Variants in ANKFN1 observed in about 807,000 individuals in gnomAD.
The protein encoded by ANKFN1 is ankyrin repeat and fibronectin type III domain containing 1.
ANKFN1 carries 74 observed loss-of-function variants against 108.7 expected under a neutral mutation model. That is an observed-to-expected ratio of 0.68 (90% CI 0.56 to 0.83). The LOEUF (loss-of-function observed/expected upper bound fraction) is 0.83. Ranked by LOEUF, ANKFN1 falls within the 40% of genes least tolerant of loss-of-function variation. ANKFN1 has a pLI of 0.00. For missense variants in ANKFN1, 1,505 were observed against 1,382.3 expected (o/e 1.09, Z -1.41); for synonymous variants, 547 against 516.2 (o/e 1.06, Z -0.81).
chr17:56,431,784 T>A (rs2048764955), intron 8 of ANKFN1, among the ~76,000 whole-genome samples: 1 of 152,228 alleles, frequency 6.6e-6, no homozygotes, highest in Admixed American at 6.5e-5. Flanking sequence ...CCCCCGTGGC[T>A]AGTGATTTTA....
intron 4 of ANKFN1, among the ~76,000 whole-genome samples, chr17:56,141,932 T>C (rs1907947273): frequency 7.1e-6 from 1 of 141,410 alleles, no homozygotes; most frequent in Non-Finnish European, 1.5e-5. Context: ...ACTTTTTTTT[T>C]TTTTTTTTTT....
intron 4 of ANKFN1, among the ~76,000 whole-genome samples, chr17:56,073,885 A>G (rs964409775): frequency 6.6e-6 from 1 of 152,216 alleles, no homozygotes; most frequent in East Asian, 1.9e-4. Flanking sequence ...TGCAAATATC[A>G]TGATTTGTGT....
In ANKFN1 at chr17:56,350,950, C is replaced by T. The variant is rs775181306; in HGVS notation, c.373C>T (p.Leu125Phe). The change falls in exon 5 of 21, where the codon CTC becomes TTC. Residue 125 changes from leucine (L) to phenylalanine (F), a missense_variant. Transcript: ENST00000682825. Reference sequence around the variant, plus strand: ...TAGGACAAGAACTGATCGGCTGAGTCTCAGGAAGACCTCGGTGGTAACAAA... The same window carrying T: ...TAGGACAAGAACTGATCGGCTGAGTTTCAGGAAGACCTCGGTGGTAACAAA... Reference protein sequence around the residue: ...YFRTRTDRLSLRKTSVNFQGN... With the variant: ...YFRTRTDRLSFRKTSVNFQGN... 4 of 1,613,550 alleles carry T rather than the reference C, an allele frequency of 2.5e-6. No individual in the cohort carries two copies. The highest frequency in any genetic ancestry group is 3.4e-6 in the Non-Finnish European group (4 of 1,179,782).
chr17:56,058,921 A>G (rs934871090), intron 4 of ANKFN1, among the ~76,000 whole-genome samples: 2 of 152,204 alleles, frequency 1.3e-5, no homozygotes, highest in Non-Finnish European at 2.9e-5. Context: ...TTATAGTAGA[A>G]TGATTTATAA....
chr17:56,074,848 G>C (rs1018472620), intron 4 of ANKFN1, among the ~76,000 whole-genome samples: 19 of 152,170 alleles, frequency 1.2e-4, no homozygotes, highest in Non-Finnish European at 7.3e-5. Flanking sequence ...AGTCAGGAAA[G>C]GGAAGCAGCA....
At chr17:56,174,436 T>C in intron 1 of ANKFN1, 3 of 983,156 alleles carry the variant, frequency 3.1e-6, no homozygotes, top group Non-Finnish European at 3.6e-6. Context: ...GTGATCTTTT[T>C]AGTGAATTGC....
At chr17:56,404,722 T>C (rs573898476) in intron 8 of ANKFN1, among the ~76,000 whole-genome samples, 1 of 152,134 alleles carries the variant, frequency 6.6e-6, no homozygotes, top group African/African-American at 2.4e-5. Flanking sequence ...TTTTGGGGGG[T>C]ATGGAAGAGC....
chr17:56,090,798 G>T (rs1905400372), intron 4 of ANKFN1, among the ~76,000 whole-genome samples: 1 of 150,968 alleles, frequency 6.6e-6, no homozygotes, highest in South Asian at 2.1e-4. Context: ...TGTACAGATT[G>T]GCTCTCCCTA....
chr17:56,469,783 C>T (rs965782414), intron 15 of ANKFN1, among the ~76,000 whole-genome samples: 3 of 149,694 alleles, frequency 2.0e-5, no homozygotes, highest in Non-Finnish European at 4.5e-5. Context: ...AATTTTTTTT[C>T]TTTTTATTTT....
chr17:56,342,561 G>A (rs1322931254), intron 4 of ANKFN1, among the ~76,000 whole-genome samples: 2 of 151,988 alleles, frequency 1.3e-5, no homozygotes, highest in African/African-American at 4.8e-5. Flanking sequence ...TTACCCAAAT[G>A]CCATTCAGGA....
At chr17:56,107,544 T>C (rs1180746781) in intron 4 of ANKFN1, among the ~76,000 whole-genome samples, 1 of 152,164 alleles carries the variant, frequency 6.6e-6, no homozygotes, top group African/African-American at 2.4e-5. Flanking sequence ...AAGGAGCTTG[T>C]TGGGAAACTA....
At chr17:56,236,421 G>A (rs1291365368) in intron 3 of ANKFN1, among the ~76,000 whole-genome samples, 2 of 151,988 alleles carry the variant, frequency 1.3e-5, no homozygotes, top group Admixed American at 1.3e-4. Context: ...CTAGTTAGCT[G>A]TATTCCTAGA....
At chr17:56,399,031 A>T (rs933555090) in intron 8 of ANKFN1, among the ~76,000 whole-genome samples, 10 of 152,198 alleles carry the variant, frequency 6.6e-5, no homozygotes. Flanking sequence ...GAAATTTTGT[A>T]TAAAATAAAA....
intron 4 of ANKFN1, among the ~76,000 whole-genome samples, chr17:56,063,525 T>G (rs1905012158): frequency 6.6e-6 from 1 of 151,746 alleles, no homozygotes; most frequent in African/African-American, 2.4e-5. Context: ...TATCCTTTCT[T>G]CTGCTTGGTC....
chr17:56,050,959 AT>A (rs1232934950), intron 4 of ANKFN1, among the ~76,000 whole-genome samples: 3 of 138,274 alleles, frequency 2.2e-5, no homozygotes, highest in Non-Finnish European at 4.7e-5. Context: ...CCAGGACCAG[AT>A]GGATTCACAG....
At chr17:56,496,486 G>A (rs1190523212) in intron 19 of ANKFN1, among the ~76,000 whole-genome samples, 12 of 152,200 alleles carry the variant, frequency 7.9e-5, no homozygotes, top group East Asian at 7.7e-4. Flanking sequence ...CACTCCCTCT[G>A]GAGGCTCTAG....
intron 4 of ANKFN1, among the ~76,000 whole-genome samples, chr17:56,081,487 G>A (rs1432272475): frequency 6.6e-6 from 1 of 152,002 alleles, no homozygotes; most frequent in Admixed American, 6.6e-5. Context: ...AGAGTGGCTG[G>A]GACTACAGGC....
intron 4 of ANKFN1, among the ~76,000 whole-genome samples, chr17:56,138,512 CT>C (rs59070658): frequency 0.32 from 43,004 of 135,490 alleles, 6,315 homozygotes; most frequent in East Asian, 0.49. Flanking sequence ...TTTTTCTTTT[CT>C]TTTTTTTTTT....
intron 8 of ANKFN1, among the ~76,000 whole-genome samples, chr17:56,383,052 A>G (rs2047153450): frequency 6.6e-6 from 1 of 152,222 alleles, no homozygotes; most frequent in Non-Finnish European, 1.5e-5. Flanking sequence ...CACCACACCT[A>G]TTCCAAAATT....
Sources: allele counts gnomAD v4.1 joint callset (sites outside exome capture counted in the v4.1 genomes callset), GRCh38; gene constraint gnomAD v4.1.1; transcripts MANE v1.5; gene names NCBI Gene and HGNC (gene_info 2026-07-23, HGNC 2026-07-21).